The following CXADR variants were observed in gnomAD, a reference collection of about 807,000 sequenced individuals.
The protein encoded by CXADR is CXADR cell adhesion molecule, also known as coxsackievirus and adenovirus receptor.
In CXADR, 20 loss-of-function variants were observed where a neutral mutation model predicts 40.3. The observed-to-expected ratio is 0.50, with a 90% CI of 0.35 to 0.72. The LOEUF (loss-of-function observed/expected upper bound fraction) is 0.72. Ranked by LOEUF, CXADR falls within the 30% of genes least tolerant of loss-of-function variation. CXADR has a pLI of 0.01. For missense variants in CXADR, 332 were observed against 449.1 expected, an observed-to-expected ratio of 0.74 and a Z score of 2.36; for synonymous variants, 150 against 161.3, an observed-to-expected ratio of 0.93 and a Z score of 0.53.
chr21:17,604,534 T>G, the CXADR span, among the ~76,000 whole-genome samples: 1 of 152,176 alleles, frequency 6.6e-6, no homozygotes, highest in Admixed American at 6.5e-5. Flanking sequence ...GCTTCTTAAT[T>G]TGAAGACAGA....
At chr21:17,604,176 G>C in the CXADR span, 1 of 1,264,372 alleles carries the variant, frequency 7.9e-7, no homozygotes, top group Non-Finnish European at 1.0e-6. Context: ...GGGCGCAGTG[G>C]CTCACGCCTG....
chr21:17,569,212 TCAG>T lies in CXADR; in HGVS notation c.*3524_*3526del. Reference sequence around the variant, plus strand: ...TGAGTTTTTTCTTCTAATTTTCACTTCAGCAGTGTTTAGGGCTTTCAGATGCCT... The same window carrying T: ...TGAGTTTTTTCTTCTAATTTTCACTTCAGTGTTTAGGGCTTTCAGATGCCT... On this transcript the variant is annotated 3_prime_UTR_variant, in exon 7 of 7. Transcript: ENST00000284878. 1.0e-6 allele frequency: 1 copy of T among 985,434 alleles called. No homozygotes were observed. The highest frequency in any genetic ancestry group is 1.2e-6 in the Non-Finnish European group (1 of 829,922). 61.0% of individuals were successfully genotyped at this position (985,434 alleles called of 1,614,324 possible).
At position 17,530,481 on chromosome 21, in the gene CXADR, G is replaced by A. The variant is rs1349002968; in HGVS notation, c.44-16546G>A. On this transcript the variant is annotated intron_variant, in intron 1 of 6. Coordinates refer to ENST00000284878, the MANE Select transcript of CXADR (RefSeq NM_001338.5). Reference sequence around the variant, plus strand: ...TCACAATTGATTTATTTATTCTACTGATGGACCCTTTTTCCCAGCTTTTTT... The same window carrying A: ...TCACAATTGATTTATTTATTCTACTAATGGACCCTTTTTCCCAGCTTTTTT... 6.7e-6 allele frequency: 3 copies of A among 448,034 alleles called. No individual in the cohort carries two copies. In the East Asian group the frequency reaches 2.1e-4, roughly 32 times the overall value. The allele number at this position is 448,034 out of a possible 1,614,324, so 27.8% of individuals were successfully genotyped here.
At chr21:17,551,716 T>A (rs2060971517) in intron 2 of CXADR, 33 bp from the exon 3 acceptor site, 3 of 1,568,930 alleles carry the variant, frequency 1.9e-6, no homozygotes, top group African/African-American at 2.7e-5. Flanking sequence ...GTGTGTTTGT[T>A]TTTCCTCCTG....
intron 4 of CXADR, among the ~76,000 whole-genome samples, chr21:17,560,252 T>C (rs367891627): frequency 3.9e-5 from 6 of 152,324 alleles, no homozygotes; most frequent in African/African-American, 1.4e-4. Context: ...AGGTTTTCTC[T>C]CTGCCTCTCT....
In CXADR at chr21:17,524,043, C is replaced by CATGT. The variant is rs1555860825; in HGVS notation, c.43+10871_43+10872insATGT. On this transcript the variant is annotated intron_variant, in intron 1 of 6. Transcript: ENST00000284878. The stretch of plus-strand genomic sequence containing the variant: ...CCAGGCGATTTTGTGTGTGTGTGTG[C>CATGT]GTGTGTGTGTGTGTGTGTGTGTGTA... 5.0e-3 allele frequency among the ~76,000 whole-genome samples: 725 copies of CATGT among 144,810 alleles called. 5 individuals are homozygous for CATGT. Among genetic ancestry groups the CATGT allele is most frequent in the African/African-American group, 0.017 (674 of 39,128 alleles).
the CXADR span, among the ~76,000 whole-genome samples, chr21:17,632,729 C>T: frequency 6.6e-6 from 1 of 152,056 alleles, no homozygotes; most frequent in Non-Finnish European, 1.5e-5. Context: ...ATTAGCCGGG[C>T]GTGGGGGCAG....
rs73324074 is a variant in CXADR at position 17,524,219 on chromosome 21, C to T, written c.43+11047C>T. On this transcript the variant is annotated intron_variant, in intron 1 of 6. Coordinates refer to ENST00000284878, the MANE Select transcript of CXADR (RefSeq NM_001338.5). ...TACATTGATCTCTTCTGTGCCTTCC[C>T]ATTTGTCTTTCTTCCCTCAACTTAT... Among the ~76,000 whole-genome samples, 906 of 152,036 alleles carry T rather than the reference C, an allele frequency of 6.0e-3. 10 individuals carry two copies. The highest frequency in any genetic ancestry group is 0.021 in the African/African-American group (871 of 41,498).
intron 7 of CXADR, among the ~76,000 whole-genome samples, chr21:17,590,889 T>C (rs2061430197): frequency 6.6e-6 from 1 of 152,184 alleles, no homozygotes; most frequent in Admixed American, 6.6e-5. Context: ...TGCAATTTAA[T>C]TTCTATTTCC....
At chr21:17,548,692 AG>A (rs1226510666) in intron 2 of CXADR, among the ~76,000 whole-genome samples, 1 of 152,246 alleles carries the variant, frequency 6.6e-6, no homozygotes, top group African/African-American at 2.4e-5. Context: ...GCTTGTGACC[AG>A]GTGCATGTAG....
chr21:17,513,180 G>C lies in CXADR; in HGVS notation c.43+8G>C. The C allele has an allele frequency of 7.3e-7, 1 of 1,361,924 alleles. No homozygotes were observed. The highest frequency in any genetic ancestry group is 9.5e-7 in the Non-Finnish European group (1 of 1,054,162). 84.4% of individuals were successfully genotyped at this position (1,361,924 alleles called of 1,614,324 possible). ...TCCTGTGCGGAGTAGTGGGTGAGTA[G>C]GGGCCATGGGGTCCTCAGCACCCGC... is the stretch of plus-strand genomic sequence containing the variant. On this transcript the variant is annotated splice_region_variant and intron_variant, in intron 1 of 6. Coordinates refer to ENST00000284878, the MANE Select transcript of CXADR (RefSeq NM_001338.5).
At chr21:17,514,781 C>T (rs1264829130) in intron 1 of CXADR, among the ~76,000 whole-genome samples, 1 of 151,720 alleles carries the variant, frequency 6.6e-6, no homozygotes, top group Non-Finnish European at 1.5e-5. Context: ...TTACAGGCAC[C>T]CCCCACCATG....
At chr21:17,537,563 A>T (rs1039442372) in intron 1 of CXADR, among the ~76,000 whole-genome samples, 1 of 151,966 alleles carries the variant, frequency 6.6e-6, no homozygotes, top group African/African-American at 2.4e-5. Flanking sequence ...TGAATTCTAC[A>T]ATGAGTCATG....
chr21:17,514,421 G>A (rs1272230943), intron 1 of CXADR, among the ~76,000 whole-genome samples: 1 of 152,060 alleles, frequency 6.6e-6, no homozygotes, highest in African/African-American at 2.4e-5. Flanking sequence ...TTGGCGGGCT[G>A]AAATGTCCAA....
At chr21:17,585,983 C>T (rs1957763828) in intron 7 of CXADR, among the ~76,000 whole-genome samples, 1 of 152,114 alleles carries the variant, frequency 6.6e-6, no homozygotes, top group South Asian at 2.1e-4. Context: ...TAAGCTATAA[C>T]CACTAACACT....
chr21:17,581,520 G>T (rs1311009691), intron 7 of CXADR, among the ~76,000 whole-genome samples: 1 of 152,044 alleles, frequency 6.6e-6, no homozygotes, highest in Non-Finnish European at 1.5e-5. Flanking sequence ...CTTTCAATTT[G>T]CTCAGTTGAG....
intron 1 of CXADR, among the ~76,000 whole-genome samples, chr21:17,526,892 G>A (rs1311034230): frequency 1.3e-5 from 2 of 152,140 alleles, no homozygotes; most frequent in African/African-American, 4.8e-5. Context: ...TAATTGAAGA[G>A]GAAGAGAAGC....
At chr21:17,563,549 A>G (rs915242889) in intron 6 of CXADR, among the ~76,000 whole-genome samples, 4 of 152,176 alleles carry the variant, frequency 2.6e-5, no homozygotes, top group African/African-American at 7.2e-5. Context: ...ATCACTGATC[A>G]CAGATCACCC....
intron 2 of CXADR, among the ~76,000 whole-genome samples, chr21:17,549,207 CAG>C (rs996602848): frequency 3.3e-5 from 5 of 152,138 alleles, no homozygotes; most frequent in African/African-American, 7.2e-5. Context: ...AAGGAGGAAA[CAG>C]AGGCCCAGAG....
Sources: allele counts gnomAD v4.1 joint callset (sites outside exome capture counted in the v4.1 genomes callset), GRCh38; gene constraint gnomAD v4.1.1; transcripts MANE v1.5; gene names NCBI Gene and HGNC (gene_info 2026-07-23, HGNC 2026-07-21).